Variants in WNK2 observed in about 807,000 individuals in gnomAD.
WNK2 encodes serine/threonine-protein kinase WNK2.
Under a neutral mutation model 192.1 loss-of-function variants are expected in WNK2, and 67 were observed. The observed-to-expected ratio is 0.35, with a 90% CI of 0.29 to 0.43. The LOEUF is 0.43. WNK2 is among the 20% of genes least tolerant of loss of function. The pLI, the probability that WNK2 is intolerant of heterozygous loss-of-function variation, is 1.00. For synonymous variants in WNK2, 1,439 were observed against 1,393.9 expected, an observed-to-expected ratio of 1.03 and a Z score of -0.72; for missense variants, 2,698 against 3,089.7, an observed-to-expected ratio of 0.87 and a Z score of 3.01.
intron 19 of WNK2, among the ~76,000 whole-genome samples, chr9:93,288,351 C>CT (rs1297554977): frequency 6.6e-6 from 1 of 151,190 alleles, no homozygotes; most frequent in South Asian, 2.1e-4. Context: ...TACTTAAACT[C>CT]TTTAATTTTG....
At chr9:93,189,345 A>G (rs1037237446) in intron 2 of WNK2, among the ~76,000 whole-genome samples, 3 of 152,166 alleles carry the variant, frequency 2.0e-5, no homozygotes, top group African/African-American at 7.2e-5. Context: ...TCTACTTCAT[A>G]GAGACGTACA....
At chr9:93,276,666 A>G (rs1179072684) in intron 19 of WNK2, among the ~76,000 whole-genome samples, 6 of 152,252 alleles carry the variant, frequency 3.9e-5, no homozygotes, top group East Asian at 1.9e-4. Flanking sequence ...AATAATGGCA[A>G]ATCACATATC....
At chr9:93,264,681 G>A (rs1844877967) in intron 16 of WNK2, among the ~76,000 whole-genome samples, 1 of 152,156 alleles carries the variant, frequency 6.6e-6, no homozygotes, top group South Asian at 2.1e-4. Flanking sequence ...AAATTTCCTG[G>A]TGCATCCGTG....
chr9:93,207,137 C>T (rs1833542306), intron 2 of WNK2, among the ~76,000 whole-genome samples: 1 of 152,124 alleles, frequency 6.6e-6, no homozygotes. Context: ...GAGGCTGAGG[C>T]CAGAACCCTC....
chr9:93,266,477 A>G (rs1042993485), intron 16 of WNK2, among the ~76,000 whole-genome samples: 1 of 152,256 alleles, frequency 6.6e-6, no homozygotes, highest in African/African-American at 2.4e-5. Flanking sequence ...AACATTTTCT[A>G]GTTGCAAAGG....
In WNK2 at chr9:93,261,934, C is replaced by T. The variant is rs755043851; in HGVS notation, c.3187C>T (p.Pro1063Ser). Reference sequence around the variant, plus strand: ...GCCGGAAGTGCTGCTGCCTGCCGCCCCTGAGCTCCTGCCTCAGTTCCCCAG... The same window carrying T: ...GCCGGAAGTGCTGCTGCCTGCCGCCTCTGAGCTCCTGCCTCAGTTCCCCAG... The part of the protein sequence containing the change: ...PLPEVLLPAA[P>S]ELLPQFPSSL... Residue 1063 changes from proline to serine, a missense_variant, in exon 13 of 30, where the codon CCT (proline) becomes TCT (serine). By Grantham distance (74) the Pro-to-Ser change is moderately conservative. Coordinates refer to ENST00000427277, the MANE Select transcript of WNK2 (RefSeq NM_006648.4). The T allele has an allele frequency of 8.7e-6, 14 of 1,610,148 alleles. No individual in the cohort carries two copies. In the Admixed American group the frequency reaches 1.7e-4, roughly 19 times the overall value.
chr9:93,272,990 G>T (rs1194764320), intron 19 of WNK2, among the ~76,000 whole-genome samples: 1 of 152,080 alleles, frequency 6.6e-6, no homozygotes, highest in Non-Finnish European at 1.5e-5. Context: ...GAAACTTCAA[G>T]TACAACAATA....
intron 16 of WNK2, among the ~76,000 whole-genome samples, chr9:93,264,424 G>T (rs1403622130): frequency 1.3e-5 from 2 of 152,136 alleles, no homozygotes; most frequent in Admixed American, 1.3e-4. Flanking sequence ...TGGAGTGCGG[G>T]CTCTGAGCCC....
chr9:93,291,629 C>T (rs978930286), intron 21 of WNK2, among the ~76,000 whole-genome samples: 2 of 152,126 alleles, frequency 1.3e-5, no homozygotes, highest in Non-Finnish European at 1.5e-5. Flanking sequence ...AAAGGAGACA[C>T]GTGTACATGT....
At chr9:93,253,307 C>G (rs987608720) in intron 9 of WNK2, among the ~76,000 whole-genome samples, 2 of 151,776 alleles carry the variant, frequency 1.3e-5, no homozygotes, top group African/African-American at 4.8e-5. Context: ...AACTGCTGGC[C>G]GAGTAGCCCT....
chr9:93,202,975 G>C (rs1460942525), intron 2 of WNK2, among the ~76,000 whole-genome samples: 1 of 151,088 alleles, frequency 6.6e-6, no homozygotes, highest in South Asian at 2.1e-4. Context: ...TGGTTTCCAC[G>C]TGGCAACCAT....
chr9:93,309,620 C>T (rs1407257280), intron 28 of WNK2, among the ~76,000 whole-genome samples: 1 of 152,214 alleles, frequency 6.6e-6, no homozygotes, highest in East Asian at 1.9e-4. Context: ...CTCTCCTTCG[C>T]TCTTTCTCTC....
At position 93,288,955 on chromosome 9, in the gene WNK2, C is replaced by T. The variant is rs539257984; in HGVS notation, c.4201C>T (p.Pro1401Ser). 5.6e-6 allele frequency: 9 copies of T among 1,605,130 alleles called. No individual in the cohort carries two copies. In the South Asian group the frequency reaches 7.8e-5, roughly 14 times the overall value. The change falls in exon 20 of 30, where the codon CCA becomes TCA. Residue 1401 changes from proline (P) to serine (S), a missense_variant. Transcript: ENST00000427277. ...VTALPQDGAA[P>S]ATSTMPEPAS... is the part of the protein sequence containing the mutation. Reference sequence around the variant, plus strand: ...TGCTCTGCCCCAAGATGGAGCAGCTCCAGCCACCAGCACCATGCCAGAGCC... The same window carrying T: ...TGCTCTGCCCCAAGATGGAGCAGCTTCAGCCACCAGCACCATGCCAGAGCC...
intron 21 of WNK2, 70 bp downstream of exon 21, chr9:93,290,117 ATCCGCACCCTCG>A (rs1449972000): frequency 7.3e-6 from 10 of 1,361,998 alleles, no homozygotes; most frequent in Non-Finnish European, 9.1e-6. Flanking sequence ...AACCTTCTGC[ATCCGCACCCTCG>A]TCTTTCATCT....
intron 19 of WNK2, among the ~76,000 whole-genome samples, chr9:93,271,227 G>A (rs1306712870): frequency 3.9e-5 from 6 of 152,198 alleles, no homozygotes; most frequent in Non-Finnish European, 7.3e-5. Flanking sequence ...CATAGAAGGC[G>A]GGTTGCAACT....
chr9:93,253,141 C>A, intron 9 of WNK2, 59 bp downstream of exon 9: 1 of 1,316,068 alleles, frequency 7.6e-7, no homozygotes, highest in South Asian at 1.9e-5. Context: ...TCTGAGGGCC[C>A]TGAGGGCTCT....
intron 26 of WNK2, among the ~76,000 whole-genome samples, chr9:93,306,472 T>C (rs1852563178): frequency 6.6e-6 from 1 of 152,090 alleles, no homozygotes; most frequent in African/African-American, 2.4e-5. Flanking sequence ...TTTTTTCTTT[T>C]TTCTTTTCTT....
intron 23 of WNK2, among the ~76,000 whole-genome samples, chr9:93,295,914 T>G (rs1850247212): frequency 1.8e-5 from 2 of 110,324 alleles, no homozygotes; most frequent in African/African-American, 7.2e-5. Context: ...CTCTCCAACC[T>G]CCCCTCACTT....
At chr9:93,244,934 G>A (rs1216196484) in intron 7 of WNK2, among the ~76,000 whole-genome samples, 1 of 152,106 alleles carries the variant, frequency 6.6e-6, no homozygotes, top group Non-Finnish European at 1.5e-5. Flanking sequence ...AGTGGCCTTG[G>A]GGCTGGTTTG....
Sources: gnomAD v4.1 joint callset for allele counts (sites outside exome capture counted in the v4.1 genomes callset) on GRCh38, gnomAD v4.1.1 for gene constraint, MANE v1.5 for transcripts, NCBI Gene and HGNC (gene_info 2026-07-23, HGNC 2026-07-21) for gene names.